Variants in DLEU7 observed in about 807,000 individuals in gnomAD.
DLEU7 encodes deleted in lymphocytic leukemia 7.
Under a neutral mutation model 16.0 loss-of-function variants are expected in DLEU7, and 17 were observed. The observed-to-expected ratio is 1.06, with a 90% confidence interval of 0.73 to 1.59. The LOEUF is 1.59. Among genes scored for constraint, DLEU7 ranks in the 40% most tolerant of loss-of-function variants. The pLI is 0.00. For missense variants in DLEU7, 308 were observed against 314.9 expected (o/e 0.98, Z 0.17); for synonymous variants, 113 against 139.8 (o/e 0.81, Z 1.35).
chr13:50,793,896 C>G (rs1876037972), intron 1 of DLEU7, among the ~76,000 whole-genome samples: 1 of 152,046 alleles, frequency 6.6e-6, no homozygotes, highest in African/African-American at 2.4e-5. Flanking sequence ...TTGCAATTGC[C>G]TTTGAGGACT....
At chr13:50,786,178 G>A (rs370178778) in intron 1 of DLEU7, among the ~76,000 whole-genome samples, 3 of 152,194 alleles carry the variant, frequency 2.0e-5, no homozygotes, top group African/African-American at 7.2e-5. Flanking sequence ...CTTTACATGG[G>A]CCTGAACCCC....
intron 1 of DLEU7, among the ~76,000 whole-genome samples, chr13:50,773,546 G>A (rs916434759): frequency 6.6e-6 from 1 of 152,180 alleles, no homozygotes; most frequent in African/African-American, 2.4e-5. Context: ...CAGGTCTGTT[G>A]GAGTTTGCTG....
intron 1 of DLEU7, among the ~76,000 whole-genome samples, chr13:50,736,636 T>C (rs956990881): frequency 6.6e-6 from 1 of 151,966 alleles, no homozygotes; most frequent in Non-Finnish European, 1.5e-5. Flanking sequence ...CAAGATTCTG[T>C]TTCAAGAAGG....
chr13:50,843,689 C>A lies in DLEU7; in HGVS notation c.-43G>T. On this transcript the variant is annotated 5_prime_UTR_variant, in exon 1 of 2. Transcript: ENST00000504404. The surrounding 1 kb of genome is among the most constrained non-coding windows in gnomAD (Gnocchi z 5.7). The stretch of plus-strand genomic sequence containing the variant: ...CGGCGCGCTCCGCGTGCAGGTGGAG[C>A]AGCAGCGAGGGAGGCGGGGGCGTTG... The A allele has an allele frequency of 6.7e-7, 1 of 1,489,798 alleles. No individual in the cohort carries two copies. The highest frequency in any genetic ancestry group is 8.9e-7 in the Non-Finnish European group (1 of 1,128,812). The allele number at this position is 1,489,798 out of a possible 1,614,324, so 92.3% of individuals were successfully genotyped here. A position where few individuals can be genotyped will look rare whatever the true frequency, so the allele number is the denominator to read the frequency against.
intron 1 of DLEU7, among the ~76,000 whole-genome samples, chr13:50,776,655 G>T (rs956318432): frequency 6.6e-6 from 1 of 152,044 alleles, no homozygotes; most frequent in East Asian, 1.9e-4. Flanking sequence ...CCCAAATCCA[G>T]GAAAGGCATA....
chr13:50,777,486 G>A (rs891707513), intron 1 of DLEU7, among the ~76,000 whole-genome samples: 1 of 152,152 alleles, frequency 6.6e-6, no homozygotes, highest in Non-Finnish European at 1.5e-5. Flanking sequence ...TTTGGGACTC[G>A]GACTGGCTTC....
chr13:50,792,830 T>C (rs1184314676), intron 1 of DLEU7, among the ~76,000 whole-genome samples: 1 of 151,680 alleles, frequency 6.6e-6, no homozygotes, highest in African/African-American at 2.4e-5. Flanking sequence ...GTTTGTCTTC[T>C]GGTTTTTGGG....
At chr13:50,761,116 T>C (rs1435434573) in intron 1 of DLEU7, among the ~76,000 whole-genome samples, 3 of 152,280 alleles carry the variant, frequency 2.0e-5, no homozygotes, top group East Asian at 3.9e-4. Flanking sequence ...AAGACTGAAT[T>C]GTCCACTGGG....
At chr13:50,831,072 T>C (rs945745558) in intron 1 of DLEU7, among the ~76,000 whole-genome samples, 6 of 142,758 alleles carry the variant, frequency 4.2e-5, no homozygotes, top group Non-Finnish European at 7.5e-5. Flanking sequence ...ACTAAACTTA[T>C]AGTGGACTCT....
At chr13:50,744,668 A>G (rs1040045704) in intron 1 of DLEU7, among the ~76,000 whole-genome samples, 4 of 152,244 alleles carry the variant, frequency 2.6e-5, no homozygotes, top group Admixed American at 1.3e-4. Context: ...CAAATTATAT[A>G]TCTAATAATG....
intron 1 of DLEU7, among the ~76,000 whole-genome samples, chr13:50,742,648 G>A (rs1874282924): frequency 6.6e-6 from 1 of 152,170 alleles, no homozygotes; most frequent in Admixed American, 6.5e-5. Context: ...ATACTGATGA[G>A]GTGGATGGGC....
intron 1 of DLEU7, among the ~76,000 whole-genome samples, chr13:50,749,609 AT>A (rs1019890504): frequency 2.0e-5 from 3 of 151,118 alleles, no homozygotes; most frequent in Admixed American, 6.6e-5. Flanking sequence ...CTGTTTTTTG[AT>A]TTTTTTTTAT....
intron 1 of DLEU7, among the ~76,000 whole-genome samples, chr13:50,752,384 T>C (rs180756783): frequency 5.3e-5 from 8 of 151,998 alleles, no homozygotes; most frequent in Non-Finnish European, 2.9e-5. Flanking sequence ...CGTTTAGGGC[T>C]ATGAACTTTC....
intron 1 of DLEU7, among the ~76,000 whole-genome samples, chr13:50,811,865 T>TA (rs1379774305): frequency 1.3e-5 from 2 of 151,904 alleles, no homozygotes; most frequent in African/African-American, 4.8e-5. Flanking sequence ...GGTCAGGAGT[T>TA]AGAGACCAGC....
rs1317866948 is a variant in DLEU7, at chr13:50,726,299, G to C, written c.460-13059C>G. Among the ~76,000 whole-genome samples the C allele has an allele frequency of 1.3e-5, 2 of 151,898 alleles. No homozygotes were observed. The highest frequency in any genetic ancestry group is 2.9e-5 in the Non-Finnish European group (2 of 67,970). On this transcript the variant is annotated intron_variant, in intron 1 of 1. Coordinates refer to the DLEU7 transcript ENST00000400393. This position sits in a 1 kb window ranked among gnomAD's most constrained non-coding sequence, Gnocchi z 4.0. ...GGGCAACATGCCCATTCCTTTTTCT[G>C]TTTTTCTAGCTCCCCCACCCACCCC...
intron 1 of DLEU7, among the ~76,000 whole-genome samples, chr13:50,776,656 G>T (rs1363367046): frequency 2.6e-5 from 4 of 152,062 alleles, no homozygotes; most frequent in Admixed American, 2.6e-4. Flanking sequence ...CCAAATCCAG[G>T]AAAGGCATAC....
chr13:50,800,214 G>T (rs1876209166), intron 1 of DLEU7, among the ~76,000 whole-genome samples: 1 of 152,150 alleles, frequency 6.6e-6, no homozygotes, highest in African/African-American at 2.4e-5. Context: ...GGTATGAAAA[G>T]GACAGAGGTG....
At chr13:50,779,284 A>C (rs1053966657) in intron 1 of DLEU7, among the ~76,000 whole-genome samples, 1 of 152,180 alleles carries the variant, frequency 6.6e-6, no homozygotes, top group African/African-American at 2.4e-5. Context: ...TGAACCAGTA[A>C]TTTTGTGGGA....
At chr13:50,782,710 C>T (rs961606688) in intron 1 of DLEU7, among the ~76,000 whole-genome samples, 1 of 150,264 alleles carries the variant, frequency 6.7e-6, no homozygotes, top group Non-Finnish European at 1.5e-5. Context: ...GCATATTGCA[C>T]AGGACTCAAA....
Sources: gnomAD v4.1 joint callset for allele counts (sites outside exome capture counted in the v4.1 genomes callset) on GRCh38, gnomAD v4.1.1 for gene constraint, Gnocchi (gnomAD v3.1) non-coding constraint, MANE v1.5 for transcripts, NCBI Gene and HGNC (gene_info 2026-07-23, HGNC 2026-07-21) for gene names.